Variants in CFTR observed in about 807,000 individuals in gnomAD.
CFTR encodes CF transmembrane conductance regulator.
Under a neutral mutation model 171.6 loss-of-function variants are expected in CFTR, and 181 were observed. That is an observed-to-expected ratio of 1.05 (90% CI 0.93 to 1.19). The LOEUF is 1.19. Ranked by LOEUF, CFTR falls within the 50% of genes most tolerant of loss-of-function variation. CFTR has a pLI of 0.00. For synonymous variants in CFTR, 583 were observed against 608.0 expected (o/e 0.96, Z 0.60); for missense variants, 1,968 against 1,734.7 (o/e 1.13, Z -2.39).
intron 15 of CFTR, among the ~76,000 whole-genome samples, chr7:117,600,925 A>G (rs1420264282): frequency 1.3e-5 from 2 of 152,036 alleles, no homozygotes; most frequent in African/African-American, 4.8e-5. Context: ...CCTTGAAAAT[A>G]TTTTGTTCTA....
At chr7:117,616,468 A>C (rs1792492406) in intron 21 of CFTR, 1 of 152,100 alleles carries the variant, frequency 6.6e-6, no homozygotes, top group Non-Finnish European at 1.5e-5. Context: ...TCTTTACCTA[A>C]AAATATCTTT....
At position 117,566,248 on chromosome 7, in the gene CFTR, AACACACAC is replaced by A. The variant is rs71314621; in HGVS notation, c.1584+6624_1584+6631del. Reference sequence around the variant, plus strand: ...CAGGAGTTCAAGACCAGCCTACTAAAACACACACACACACACACACACACACACACACA... The same window carrying A: ...CAGGAGTTCAAGACCAGCCTACTAAAACACACACACACACACACACACACA... On this transcript the variant is annotated intron_variant, in intron 11 of 26. Transcript: ENST00000003084. Among the ~76,000 whole-genome samples, 253 of 138,886 alleles carry A rather than the reference AACACACAC, an allele frequency of 1.8e-3. 1 individual carries two copies. Among genetic ancestry groups the A allele is most frequent in the Middle Eastern group, 0.018 (5 of 282 alleles). 91.1% of individuals were successfully genotyped at this position (138,886 alleles called of 152,430 possible). A position where few individuals can be genotyped will look rare whatever the true frequency, so the allele number is the denominator to read the frequency against.
rs1378467569 is a variant in CFTR at position 117,555,184 on chromosome 7, CTA to C, written c.1393-4279_1393-4278del. ...TGAATGCATAAAATATATGTAGACA[CTA>C]GCCTATTTTATCATTTGCTACTATA... is the stretch of plus-strand genomic sequence containing the variant. On this transcript the variant is annotated intron_variant, in intron 10 of 26. Transcript: ENST00000003084. Among the ~76,000 whole-genome samples, 3 of 151,972 alleles carry C rather than the reference CTA, an allele frequency of 2.0e-5. No homozygotes were observed. The East Asian group carries it at 5.8e-4, about 29-fold the overall frequency.
At chr7:117,625,506 T>C (rs1210370102) in intron 21 of CFTR, among the ~76,000 whole-genome samples, 1 of 152,150 alleles carries the variant, frequency 6.6e-6, no homozygotes, top group African/African-American at 2.4e-5. Flanking sequence ...TTTTGAGTCA[T>C]TTAGATAGCA....
intron 11 of CFTR, chr7:117,586,264 A>T (rs1791932664): frequency 6.6e-6 from 1 of 152,186 alleles, no homozygotes; most frequent in African/African-American, 2.4e-5. Context: ...TATGTTTTAC[A>T]TGTCTCATAA....
intron 24 of CFTR, among the ~76,000 whole-genome samples, chr7:117,654,015 G>C (rs185730312): frequency 1.1e-4 from 17 of 152,346 alleles, no homozygotes; most frequent in African/African-American, 3.6e-4. Context: ...TTTAAGGCTT[G>C]AGAATAATTT....
chr7:117,595,534 A>AT (rs1302316070), intron 15 of CFTR, among the ~76,000 whole-genome samples: 2 of 151,478 alleles, frequency 1.3e-5, no homozygotes, highest in Non-Finnish European at 2.9e-5. Context: ...TTTTTAATAG[A>AT]TTTTATAATA....
At position 117,568,100 on chromosome 7, in the gene CFTR, T is replaced by G. The variant is rs137921549; in HGVS notation, c.1584+8445T>G. 1.8e-3 allele frequency among the ~76,000 whole-genome samples: 273 copies of G among 152,226 alleles called. 1 individual carries two copies. Among genetic ancestry groups the G allele is most frequent in the African/African-American group, 6.4e-3 (264 of 41,538 alleles). On this transcript the variant is annotated intron_variant, in intron 11 of 26. Transcript: ENST00000003084. Reference sequence around the variant, plus strand: ...TAGTCACTTCTGTGTGGCTGGGATGTAGAATGAAATGAGCCTGGACCCAAG... The same window carrying G: ...TAGTCACTTCTGTGTGGCTGGGATGGAGAATGAAATGAGCCTGGACCCAAG...
At chr7:117,623,823 T>C (rs891881024) in intron 21 of CFTR, among the ~76,000 whole-genome samples, 1 of 152,188 alleles carries the variant, frequency 6.6e-6, no homozygotes, top group Non-Finnish European at 1.5e-5. Flanking sequence ...AGGGATGTTT[T>C]GAACTGTCCA....
intron 4 of CFTR, among the ~76,000 whole-genome samples, chr7:117,533,366 A>G (rs1443841493): frequency 6.6e-6 from 1 of 152,140 alleles, no homozygotes; most frequent in Non-Finnish European, 1.5e-5. Flanking sequence ...TTTTCTAACC[A>G]GGAGTTTTAA....
In CFTR at chr7:117,627,751, C is replaced by A; in HGVS notation, c.3698C>A (p.Ser1233Ter). 6.2e-7 allele frequency: 1 copy of A among 1,612,106 alleles called. No individual in the cohort carries two copies. The highest frequency in any genetic ancestry group is 1.1e-5 in the South Asian group (1 of 91,020). The change falls in exon 22 of 27, where the codon TCA becomes TAA. Residue 1233 changes from serine to a stop codon, truncating the protein, a stop_gained. Transcript: ENST00000003084. LOFTEE classifies it high-confidence loss of function. ...GNAILENISF[S>*]ISPGQRVGLL... is the part of the protein sequence containing the mutation. ...GCCATATTAGAGAACATTTCCTTCT[C>A]AATAAGTCCTGGCCAGAGGGTGAGA...
At chr7:117,523,477 C>T (rs991682461) in intron 3 of CFTR, among the ~76,000 whole-genome samples, 28 of 151,702 alleles carry the variant, frequency 1.8e-4, no homozygotes, top group African/African-American at 6.3e-4. Flanking sequence ...CCTGGGTTCA[C>T]GCCATTCTCC....
intron 21 of CFTR, among the ~76,000 whole-genome samples, chr7:117,620,633 T>G (rs1792560033): frequency 6.6e-6 from 1 of 152,196 alleles, no homozygotes; most frequent in Non-Finnish European, 1.5e-5. Context: ...ATAAGAACCC[T>G]AAGGGATTGC....
rs200520623 is a variant in CFTR, at chr7:117,540,277, G to A, written c.1047G>A (p.Ala349=). 1.1e-5 allele frequency: 18 copies of A among 1,613,762 alleles called. No homozygotes were observed. The highest frequency in any genetic ancestry group is 1.4e-5 in the Non-Finnish European group (16 of 1,179,886). ...TISFCIVLRM[A]VTRQFPWAVQ... is the part of the protein sequence containing the mutation. Reference sequence around the variant, plus strand: ...CATTCTGCATTGTTCTGCGCATGGCGGTCACTCGGCAATTTCCCTGGGCTG... The same window carrying A: ...CATTCTGCATTGTTCTGCGCATGGCAGTCACTCGGCAATTTCCCTGGGCTG... Residue 349 remains alanine (A), a synonymous_variant, in exon 8 of 27, where the codon GCG becomes GCA. Coordinates refer to ENST00000003084, the MANE Select transcript of CFTR (RefSeq NM_000492.4).
intron 23 of CFTR, among the ~76,000 whole-genome samples, chr7:117,646,782 G>T (rs925499670): frequency 6.6e-6 from 1 of 152,000 alleles, no homozygotes; most frequent in Non-Finnish European, 1.5e-5. Context: ...AGGGAGGAGA[G>T]AAAAATAATT....
chr7:117,567,787 C>T (rs978288041), intron 11 of CFTR, among the ~76,000 whole-genome samples: 4 of 152,068 alleles, frequency 2.6e-5, no homozygotes, highest in Non-Finnish European at 5.9e-5. Flanking sequence ...AGACACAATC[C>T]CTGTCCTCAA....
At chr7:117,507,787 G>T (rs1268925606) in intron 2 of CFTR, among the ~76,000 whole-genome samples, 1 of 152,126 alleles carries the variant, frequency 6.6e-6, no homozygotes, top group Non-Finnish European at 1.5e-5. Flanking sequence ...TATGTTTTTT[G>T]TTTGTTTGTG....
intron 3 of CFTR, among the ~76,000 whole-genome samples, chr7:117,518,291 T>C (rs1798628640): frequency 6.8e-6 from 1 of 147,554 alleles, no homozygotes. Flanking sequence ...ATTATTATAA[T>C]ATATAATACA....
At chr7:117,639,676 A>T (rs181572159) in intron 22 of CFTR, among the ~76,000 whole-genome samples, 295 of 152,346 alleles carry the variant, frequency 1.9e-3, no homozygotes, top group African/African-American at 7.0e-3. Flanking sequence ...AAATCATATC[A>T]GCACAAACAC....
Sources: allele counts gnomAD v4.1 joint callset (sites outside exome capture counted in the v4.1 genomes callset), GRCh38; gene constraint gnomAD v4.1.1; transcripts MANE v1.5; gene names NCBI Gene and HGNC (gene_info 2026-07-23, HGNC 2026-07-21).